The following RAB8B variants were observed in gnomAD, a reference collection of about 807,000 sequenced individuals.
RAB8B encodes RAB8B, member RAS oncogene family.
RAB8B carries 11 observed loss-of-function variants against 32.0 expected under a neutral mutation model. The observed-to-expected ratio is 0.34, with a 90% CI of 0.22 to 0.57. The LOEUF is 0.57. Ranked by LOEUF, RAB8B falls within the 20% of genes least tolerant of loss-of-function variation. The pLI, the probability that RAB8B is intolerant of heterozygous loss-of-function variation, is 0.86. For synonymous variants in RAB8B, 103 were observed against 89.6 expected (o/e 1.15, Z -0.85); for missense variants, 190 against 258.5 (o/e 0.73, Z 1.82).
chr15:63,224,588 A>G (rs1318582965), intron 1 of RAB8B, among the ~76,000 whole-genome samples: 1 of 152,190 alleles, frequency 6.6e-6, no homozygotes, highest in Admixed American at 6.5e-5. Flanking sequence ...GGTCTTCTCT[A>G]GTTTGCCAGG....
chr15:63,262,509 T>C (rs1479903064), intron 6 of RAB8B, among the ~76,000 whole-genome samples, 183 bp from the exon 7 acceptor site: 2 of 151,842 alleles, frequency 1.3e-5, no homozygotes, highest in African/African-American at 4.8e-5. Context: ...CTCACACCTG[T>C]AGTCCCAGCT....
Position 63,266,310 on chromosome 15 carries a change from T to G in RAB8B, c.*2691T>G, listed in dbSNP as rs571080310. 6.5e-6 allele frequency: 1 copy of G among 152,714 alleles called. No homozygotes were observed. The highest frequency in any genetic ancestry group is 1.9e-4 in the East Asian group (1 of 5,190). 9.5% of individuals were successfully genotyped at this position (152,714 alleles called of 1,614,324 possible). A position where few individuals can be genotyped will look rare whatever the true frequency, so the allele number is the denominator to read the frequency against. ...GGTATCAGACAGTGAAAATGTGCTG[T>G]AACTAAGTAGCATGTAAATCAGTTG... On this transcript the variant is annotated 3_prime_UTR_variant, in exon 8 of 8. Coordinates refer to ENST00000321437, the MANE Select transcript of RAB8B (RefSeq NM_016530.3).
chr15:63,206,435 A>G (rs1034278319), intron 1 of RAB8B, among the ~76,000 whole-genome samples: 4 of 152,038 alleles, frequency 2.6e-5, no homozygotes, highest in African/African-American at 9.7e-5. Flanking sequence ...ATTTTCCTGA[A>G]AAGATCCCCT....
Position 63,259,720 on chromosome 15 carries a change from A to G in RAB8B, c.480+28A>G. On this transcript the variant is annotated intron_variant, in intron 6 of 7. Transcript: ENST00000321437. This position sits in a 1 kb window ranked among gnomAD's most constrained non-coding sequence, Gnocchi z 4.4. ...AAGAAGGAAACGTTTGGTGACTGTT[A>G]CGGAGCAGCACCAGTGCTTAGGGGC... is the stretch of plus-strand genomic sequence containing the variant. 6.3e-7 allele frequency: 1 copy of G among 1,592,872 alleles called. No homozygotes were observed.
chr15:63,200,057 C>T (rs967518355), intron 1 of RAB8B, among the ~76,000 whole-genome samples: 1 of 152,198 alleles, frequency 6.6e-6, no homozygotes, highest in Non-Finnish European at 1.5e-5. Context: ...CTCCTGAAAA[C>T]ATCAGACTAG....
At chr15:63,245,645 G>T (rs750427756) in intron 2 of RAB8B, among the ~76,000 whole-genome samples, 1 of 152,116 alleles carries the variant, frequency 6.6e-6, no homozygotes, top group Non-Finnish European at 1.5e-5. Context: ...GCTGGGTCCC[G>T]CAGTGTCCCC....
At chr15:63,208,252 G>A (rs1168032815) in intron 1 of RAB8B, among the ~76,000 whole-genome samples, 1 of 152,124 alleles carries the variant, frequency 6.6e-6, no homozygotes, top group African/African-American at 2.4e-5. Flanking sequence ...TGTGCTGGGT[G>A]GACTGTGGCC....
chr15:63,235,689 A>G (rs907460951), intron 1 of RAB8B, among the ~76,000 whole-genome samples: 3 of 150,414 alleles, frequency 2.0e-5, no homozygotes, highest in African/African-American at 4.9e-5. Context: ...TATATTTTAT[A>G]TATATGAATG....
chr15:63,192,608 G>C (rs959282996), intron 1 of RAB8B, among the ~76,000 whole-genome samples: 1 of 152,160 alleles, frequency 6.6e-6, no homozygotes, highest in African/African-American at 2.4e-5. Context: ...ATGGGTGTCT[G>C]TTTCTTCCCA....
chr15:63,263,639 T>A lies in RAB8B; in HGVS notation c.*20T>A. On this transcript the variant is annotated 3_prime_UTR_variant, in exon 8 of 8. Transcript: ENST00000321437. ...CTTTGATGAACTCTTTCTGAGAGAC[T>A]GCAGCACACCTAGAGGGCCCTTTCC... The A allele has an allele frequency of 6.4e-7, 1 of 1,566,752 alleles. No individual in the cohort carries two copies. Among genetic ancestry groups the A allele is most frequent in the East Asian group, 2.2e-5 (1 of 44,656 alleles).
At chr15:63,210,309 C>CT (rs760224581) in intron 1 of RAB8B, among the ~76,000 whole-genome samples, 21 of 152,330 alleles carry the variant, frequency 1.4e-4, no homozygotes, top group Non-Finnish European at 2.6e-4. Flanking sequence ...GACAATGAGG[C>CT]TTTCTCTGTG....
At chr15:63,243,290 C>T (rs570109055) in intron 1 of RAB8B, among the ~76,000 whole-genome samples, 2 of 152,208 alleles carry the variant, frequency 1.3e-5, no homozygotes, top group South Asian at 4.2e-4. Context: ...GGTCTGTGGC[C>T]CAGGGATTGA....
At chr15:63,234,907 T>C (rs1019979394) in intron 1 of RAB8B, among the ~76,000 whole-genome samples, 31 of 152,160 alleles carry the variant, frequency 2.0e-4, no homozygotes, top group African/African-American at 6.5e-4. Context: ...TATTCTTCAC[T>C]TGTCCTTGGT....
At chr15:63,246,048 A>AT (rs2038069281) in intron 2 of RAB8B, among the ~76,000 whole-genome samples, 1 of 151,578 alleles carries the variant, frequency 6.6e-6, no homozygotes, top group African/African-American at 2.4e-5. Flanking sequence ...ATTTTTTTGT[A>AT]TTTTCAGTAG....
At chr15:63,250,936 G>A (rs762982645) in intron 3 of RAB8B, among the ~76,000 whole-genome samples, 2 of 151,542 alleles carry the variant, frequency 1.3e-5, no homozygotes, top group Non-Finnish European at 2.9e-5. Context: ...GGTGATAGCT[G>A]TCCCCACACC....
At chr15:63,262,776 GCTGT>G (rs2038213601) in intron 7 of RAB8B, 34 bp downstream of exon 7, 1 of 1,173,728 alleles carries the variant, frequency 8.5e-7, no homozygotes, top group Non-Finnish European at 1.2e-6. Context: ...TTTCCATTAT[GCTGT>G]CTGTTTGGCA....
At chr15:63,202,527 G>A (rs963931927) in intron 1 of RAB8B, among the ~76,000 whole-genome samples, 13 of 152,196 alleles carry the variant, frequency 8.5e-5, no homozygotes, top group Non-Finnish European at 1.9e-4. Flanking sequence ...AGGGGACAGA[G>A]TTTAATTATG....
rs961425400 is a variant in RAB8B at position 63,210,546 on chromosome 15, C to T, written c.124+20798C>T. Reference sequence around the variant, plus strand: ...TGTCTGCACAAGGGAACCTTTGGTGCTGTCCAGGTACCTTCCACCTCCAGC... The same window carrying T: ...TGTCTGCACAAGGGAACCTTTGGTGTTGTCCAGGTACCTTCCACCTCCAGC... On this transcript the variant is annotated intron_variant, in intron 1 of 7. Transcript: ENST00000321437. Among the ~76,000 whole-genome samples, 5 of 152,360 alleles carry T rather than the reference C, an allele frequency of 3.3e-5. No individual in the cohort carries two copies. The South Asian group carries it at 1.0e-3, about 32-fold the overall frequency.
At chr15:63,250,664 TC>T (rs1396452225) in intron 3 of RAB8B, among the ~76,000 whole-genome samples, 1 of 151,802 alleles carries the variant, frequency 6.6e-6, no homozygotes, top group East Asian at 1.9e-4. Context: ...CTGCCTTACT[TC>T]CATGAGCTGT....
Sources: allele counts gnomAD v4.1 joint callset (sites outside exome capture counted in the v4.1 genomes callset), GRCh38; gene constraint gnomAD v4.1.1; non-coding constraint Gnocchi (gnomAD v3.1); transcripts MANE v1.5; gene names NCBI Gene and HGNC (gene_info 2026-07-23, HGNC 2026-07-21).